The following SORCS3 variants were observed in gnomAD, a reference collection of about 807,000 sequenced individuals.
SORCS3 encodes VPS10 domain-containing receptor SorCS3.
In SORCS3, 57 loss-of-function variants were observed where a neutral mutation model predicts 146.3. That is an observed-to-expected ratio of 0.39 (90% CI 0.31 to 0.49). SORCS3 has a LOEUF of 0.49. Among genes scored for constraint, SORCS3 ranks in the 20% least tolerant of loss-of-function variants. SORCS3 has a pLI of 0.92. For synonymous variants in SORCS3, 653 were observed against 618.5 expected (o/e 1.06, Z -0.83); for missense variants, 1,341 against 1,575.5 (o/e 0.85, Z 2.52).
At chr10:105,124,830 C>T (rs1188910410) in intron 7 of SORCS3, among the ~76,000 whole-genome samples, 4 of 152,116 alleles carry the variant, frequency 2.6e-5, no homozygotes, top group Non-Finnish European at 5.9e-5. Flanking sequence ...AAGAGACGTA[C>T]ACCTTGTAAT....
intron 20 of SORCS3, among the ~76,000 whole-genome samples, chr10:105,230,140 C>T (rs1185052321): frequency 2.6e-5 from 4 of 151,954 alleles, no homozygotes; most frequent in Non-Finnish European, 5.9e-5. Flanking sequence ...TGCTGAGGTA[C>T]TGGTTGTGGT....
chr10:104,983,517 A>G (rs921042454), intron 4 of SORCS3, among the ~76,000 whole-genome samples: 1 of 152,194 alleles, frequency 6.6e-6, no homozygotes, highest in African/African-American at 2.4e-5. Context: ...AAATTCAGCC[A>G]TGGCAGTGTT....
At chr10:105,228,705 T>C (rs1248487197) in intron 20 of SORCS3, among the ~76,000 whole-genome samples, 1 of 152,212 alleles carries the variant, frequency 6.6e-6, no homozygotes, top group Non-Finnish European at 1.5e-5. Flanking sequence ...TTTCTGATGG[T>C]AAATCCACTC....
At chr10:105,138,726 G>T (rs760261431) in intron 7 of SORCS3, among the ~76,000 whole-genome samples, 1 of 152,152 alleles carries the variant, frequency 6.6e-6, no homozygotes, top group Non-Finnish European at 1.5e-5. Context: ...CACAAGTGAG[G>T]TTACAGGGCT....
chr10:104,739,046 C>T (rs2016810919), intron 1 of SORCS3, among the ~76,000 whole-genome samples: 1 of 152,120 alleles, frequency 6.6e-6, no homozygotes, highest in Non-Finnish European at 1.5e-5. Flanking sequence ...CATTAGAAAA[C>T]ACAAGGAAGC....
chr10:104,976,898 G>A (rs1201626070), intron 3 of SORCS3, among the ~76,000 whole-genome samples: 2 of 152,056 alleles, frequency 1.3e-5, no homozygotes, highest in African/African-American at 4.8e-5. Flanking sequence ...ATCACACTCT[G>A]GGGACTGTTG....
chr10:104,669,946 G>T (rs2015831528), intron 1 of SORCS3, among the ~76,000 whole-genome samples: 1 of 151,772 alleles, frequency 6.6e-6, no homozygotes, highest in Non-Finnish European at 1.5e-5. Context: ...GCTCATTGTA[G>T]TTTTTATTTT....
chr10:104,892,451 G>T (rs1472092489), intron 2 of SORCS3, among the ~76,000 whole-genome samples: 1 of 152,234 alleles, frequency 6.6e-6, no homozygotes, highest in Non-Finnish European at 1.5e-5. Flanking sequence ...GCCGGGAGCA[G>T]TGTATCACAC....
intron 14 of SORCS3, among the ~76,000 whole-genome samples, chr10:105,194,660 A>G (rs1449772099): frequency 2.6e-5 from 4 of 152,116 alleles, no homozygotes; most frequent in Non-Finnish European, 2.9e-5. Flanking sequence ...ATTCTTTTTC[A>G]AGCAACTATT....
intron 7 of SORCS3, among the ~76,000 whole-genome samples, chr10:105,129,969 T>C (rs2056006479): frequency 6.6e-6 from 1 of 152,108 alleles, no homozygotes; most frequent in Non-Finnish European, 1.5e-5. Flanking sequence ...GTTGCATACA[T>C]AAACTGCCAC....
chr10:104,782,094 A>G (rs2017380452), intron 1 of SORCS3, among the ~76,000 whole-genome samples: 1 of 152,150 alleles, frequency 6.6e-6, no homozygotes, highest in Admixed American at 6.5e-5. Context: ...ACACCTAATA[A>G]CTTGGAGCAG....
In SORCS3 at chr10:104,671,629, T is replaced by C. The variant is rs74619676; in HGVS notation, c.627+29675T>C. On this transcript the variant is annotated intron_variant, in intron 1 of 26. Transcript: ENST00000369701. ...CTGGGATCACAGGTGTGAGCCACCA[T>C]GCCTGGCTGGGGTAGTTTCCTTCTA... 5.2e-3 allele frequency among the ~76,000 whole-genome samples: 798 copies of C among 152,076 alleles called. 8 individuals are homozygous for C. The highest frequency in any genetic ancestry group is 0.018 in the African/African-American group (752 of 41,482).
chr10:105,230,388 G>C (rs1163986791), intron 20 of SORCS3, among the ~76,000 whole-genome samples: 1 of 152,062 alleles, frequency 6.6e-6, no homozygotes, highest in Non-Finnish European at 1.5e-5. Flanking sequence ...TGCTTTTAGT[G>C]GTGGGCAGGG....
intron 3 of SORCS3, among the ~76,000 whole-genome samples, chr10:104,917,784 C>T (rs553994207): frequency 4.7e-4 from 72 of 152,282 alleles, no homozygotes; most frequent in African/African-American, 1.7e-3. Context: ...ATAATGTCTT[C>T]AGGTTCATCC....
chr10:105,118,962 G>T (rs1017583947), intron 7 of SORCS3, among the ~76,000 whole-genome samples: 2 of 152,216 alleles, frequency 1.3e-5, no homozygotes, highest in African/African-American at 2.4e-5. Context: ...ATTTGCATAA[G>T]TAATGAGCCA....
chr10:104,679,316 C>A (rs185398075), intron 1 of SORCS3, among the ~76,000 whole-genome samples: 83 of 152,220 alleles, frequency 5.5e-4, no homozygotes, highest in Admixed American at 2.4e-3. Flanking sequence ...AGGTAGACCA[C>A]TTAGGGCTGC....
chr10:105,003,061 A>G (rs998640702), intron 4 of SORCS3, among the ~76,000 whole-genome samples: 1 of 152,180 alleles, frequency 6.6e-6, no homozygotes, highest in Non-Finnish European at 1.5e-5. Flanking sequence ...GGCACTGGGA[A>G]GTAAACCCTG....
intron 3 of SORCS3, among the ~76,000 whole-genome samples, chr10:104,939,247 A>G (rs1281249962): frequency 6.6e-6 from 1 of 151,662 alleles, no homozygotes; most frequent in Non-Finnish European, 1.5e-5. Context: ...ACTCTTGTTT[A>G]CCTCCCTAGC....
chr10:105,257,676 CCTCT>C (rs1258087316), intron 25 of SORCS3, among the ~76,000 whole-genome samples: 1 of 152,092 alleles, frequency 6.6e-6, no homozygotes, highest in African/African-American at 2.4e-5. Context: ...TTGTTATTTG[CCTCT>C]CTAAGTCTTA....
Sources: gnomAD v4.1 joint callset for allele counts (sites outside exome capture counted in the v4.1 genomes callset) on GRCh38, gnomAD v4.1.1 for gene constraint, MANE v1.5 for transcripts, NCBI Gene and HGNC (gene_info 2026-07-23, HGNC 2026-07-21) for gene names.